STPG1: variants seen among roughly 807,000 people sequenced by gnomAD.
STPG1 encodes the protein O(6)-methylguanine-induced apoptosis 2.
A neutral mutation model predicts 40.1 loss-of-function variants in STPG1; 33 were observed. The observed-to-expected ratio is 0.82, with a 90% CI of 0.62 to 1.10. STPG1 has a LOEUF of 1.10. Among genes scored for constraint, STPG1 ranks in the 50% least tolerant of loss-of-function variants. STPG1 has a pLI of 0.00. For synonymous variants in STPG1, 150 were observed against 155.0 expected (o/e 0.97, Z 0.24); for missense variants, 396 against 415.1 (o/e 0.95, Z 0.40).
intron 1 of STPG1, among the ~76,000 whole-genome samples, chr1:24,413,329 G>A (rs1557470096): frequency 2.0e-5 from 3 of 152,204 alleles, no homozygotes; most frequent in African/African-American, 7.2e-5. Context: ...GGTCTTTGGC[G>A]TCCACCCACT....
intron 4 of STPG1, among the ~76,000 whole-genome samples, chr1:24,383,075 C>G (rs1183886308): frequency 6.6e-6 from 1 of 151,928 alleles, no homozygotes; most frequent in Admixed American, 6.6e-5. Context: ...CCACTCCTGG[C>G]TAATTTTTAA....
chr1:24,401,602 G>A, intron 1 of STPG1, 146 bp from the exon 2 acceptor site: 1 of 578,896 alleles, frequency 1.7e-6, no homozygotes, highest in South Asian at 2.1e-5. Flanking sequence ...AAAGTCCCAA[G>A]CACATTGTGC....
Position 24,358,052 on chromosome 1 carries a change from CGTAA to C in STPG1, c.*487_*490del, listed in dbSNP as rs375288456. The C allele has an allele frequency of 1.3e-5, 5 of 371,010 alleles. No homozygotes were observed. The highest frequency in any genetic ancestry group is 2.2e-5 in the Non-Finnish European group (4 of 184,770). The allele number at this position is 371,010 out of a possible 1,614,324, so 23.0% of individuals were successfully genotyped here. ...GGTAGCTTTCGCCCAGTAGACATAC[CGTAA>C]GTGAGTGAGGTCAGAAAGGGACAAA... On this transcript the variant is annotated 3_prime_UTR_variant, in exon 9 of 9. Transcript: ENST00000337248.
chr1:24,370,726 C>T lies in STPG1; in HGVS notation c.572-887G>A, dbSNP rs186472541. On this transcript the variant is annotated intron_variant, in intron 6 of 8. Transcript: ENST00000337248. ...CAGGATGGTCTCGATCTCCTGACCT[C>T]GTGATCCGCCTGCCTCGGCCTCCCA... Among the ~76,000 whole-genome samples the T allele has an allele frequency of 2.9e-3, 439 of 151,880 alleles. 1 individual carries two copies. The highest frequency in any genetic ancestry group is 9.4e-3 in the African/African-American group (391 of 41,416).
chr1:24,409,096 G>T (rs1303336273), intron 1 of STPG1, among the ~76,000 whole-genome samples: 1 of 152,168 alleles, frequency 6.6e-6, no homozygotes, highest in Non-Finnish European at 1.5e-5. Flanking sequence ...GGCTGGGTGT[G>T]GTGGGTCACT....
chr1:24,410,439 T>C (rs976895631), intron 1 of STPG1, among the ~76,000 whole-genome samples: 2 of 152,132 alleles, frequency 1.3e-5, no homozygotes, highest in Admixed American at 6.5e-5. Context: ...TGAAACCCCA[T>C]GTCTACTAAA....
intron 6 of STPG1, among the ~76,000 whole-genome samples, chr1:24,373,134 TC>T (rs1470131739): frequency 1.3e-5 from 2 of 152,154 alleles, no homozygotes; most frequent in Non-Finnish European, 2.9e-5. Context: ...TCTCTGAGCC[TC>T]CACTTCCTCA....
chr1:24,378,515 G>T (rs1642133337), intron 5 of STPG1, among the ~76,000 whole-genome samples: 1 of 151,994 alleles, frequency 6.6e-6, no homozygotes, highest in Non-Finnish European at 1.5e-5. Context: ...GGTGCCTGTA[G>T]TCCCAGCAAC....
chr1:24,414,023 A>T (rs1471572169), upstream of STPG1: 1 of 152,176 alleles, frequency 6.6e-6, no homozygotes, highest in Non-Finnish European at 1.5e-5. Context: ...TATACCTAAA[A>T]GAATTAACAT....
chr1:24,374,937 T>G (rs1005344965), intron 5 of STPG1, among the ~76,000 whole-genome samples: 1 of 152,198 alleles, frequency 6.6e-6, no homozygotes, highest in Non-Finnish European at 1.5e-5. Context: ...TCTACTATTT[T>G]TACTGTTTTC....
At chr1:24,384,132 G>T in intron 3 of STPG1, 129 bp from the exon 4 acceptor site, 2 of 610,670 alleles carry the variant, frequency 3.3e-6, no homozygotes, top group Non-Finnish European at 6.0e-6. Flanking sequence ...CACTTGGTGG[G>T]TGACAGCCTA....
At chr1:24,364,268 G>A in intron 7 of STPG1, 2 of 1,549,054 alleles carry the variant, frequency 1.3e-6, no homozygotes, top group Non-Finnish European at 1.7e-6. Flanking sequence ...ACTCAAGTGA[G>A]GAACATGGGT....
chr1:24,395,739 A>G (rs1031253660), intron 2 of STPG1, among the ~76,000 whole-genome samples: 1 of 152,150 alleles, frequency 6.6e-6, no homozygotes, highest in Non-Finnish European at 1.5e-5. Flanking sequence ...GCCTTGAATA[A>G]TTTAAATATA....
chr1:24,364,486 T>C, intron 7 of STPG1: 3 of 1,387,824 alleles, frequency 2.2e-6, no homozygotes, highest in East Asian at 5.6e-5. Context: ...TTTAAAATGT[T>C]GCATTTTCTA....
chr1:24,391,577 C>A lies in STPG1; in HGVS notation c.173G>T (p.Arg58Ile). Residue 58 changes from arginine (R) to isoleucine (I), a missense_variant, in exon 3 of 9, where the codon AGA becomes ATA. Transcript: ENST00000337248. ...EKKGFNSQAK[R>I]FPHKKNDIPG... is the part of the protein sequence containing the mutation. ...CGTCATTACCTTCTTATGAGGAAAT[C>A]TCTTGGCTTGACTATTGAATCCTTT... The A allele has an allele frequency of 6.5e-7, 1 of 1,537,242 alleles. No individual in the cohort carries two copies. The highest frequency in any genetic ancestry group is 2.4e-5 in the East Asian group (1 of 40,826).
intron 7 of STPG1, among the ~76,000 whole-genome samples, chr1:24,362,726 G>A (rs1457445880): frequency 2.6e-5 from 4 of 152,192 alleles, no homozygotes; most frequent in African/African-American, 9.7e-5. Flanking sequence ...GTCATGCTGA[G>A]GCAGGGGACA....
intron 5 of STPG1, among the ~76,000 whole-genome samples, chr1:24,377,043 G>A (rs948727001): frequency 1.3e-5 from 2 of 151,580 alleles, no homozygotes; most frequent in Non-Finnish European, 2.9e-5. Context: ...GATGGATTAC[G>A]AGGTCAGGAG....
At chr1:24,400,550 G>C (rs749440125) in intron 2 of STPG1, among the ~76,000 whole-genome samples, 2 of 152,186 alleles carry the variant, frequency 1.3e-5, no homozygotes, top group African/African-American at 2.4e-5. Flanking sequence ...GAAAAAGAGA[G>C]TGCAAAATCA....
chr1:24,373,349 T>C (rs79853597), intron 6 of STPG1, among the ~76,000 whole-genome samples: 2,564 of 152,260 alleles, frequency 0.017, 77 homozygotes, highest in African/African-American at 0.059. Flanking sequence ...ATGCCCTGTA[T>C]CTCCTGCCCC....
Sources: gnomAD v4.1 joint callset for allele counts (sites outside exome capture counted in the v4.1 genomes callset) on GRCh38, gnomAD v4.1.1 for gene constraint, MANE v1.5 for transcripts, NCBI Gene and HGNC (gene_info 2026-07-23, HGNC 2026-07-21) for gene names.